The following TTC7B variants were observed in gnomAD, a reference collection of about 807,000 sequenced individuals.
The protein encoded by TTC7B is tetratricopeptide repeat domain 7B.
TTC7B carries 28 observed loss-of-function variants against 106.8 expected under a neutral mutation model. The ratio of observed to expected loss-of-function variants is 0.26; its 90% confidence interval spans 0.19 to 0.36. The LOEUF (loss-of-function observed/expected upper bound fraction) is 0.36, where lower values mean the gene tolerates loss of function less well. TTC7B is among the 10% of genes least tolerant of loss of function. The probability of loss-of-function intolerance (pLI) is 1.00; values close to 1 mark genes in which losing one functional copy is unlikely to be tolerated. For missense variants in TTC7B, 862 were observed against 1,076.4 expected, an observed-to-expected ratio of 0.80 and a Z score of 2.79; for synonymous variants, 405 against 430.6, an observed-to-expected ratio of 0.94 and a Z score of 0.74.
rs1886299126 is a variant in TTC7B, at chr14:90,663,731, G to T, written c.1153-5344C>A. Among the ~76,000 whole-genome samples the T allele has an allele frequency of 6.6e-6, 1 of 152,166 alleles. No individual in the cohort carries two copies. Among genetic ancestry groups the T allele is most frequent in the Non-Finnish European group, 1.5e-5 (1 of 68,042 alleles). On this transcript the variant is annotated intron_variant, in intron 9 of 19. Transcript: ENST00000328459. This position sits in a 1 kb window ranked among gnomAD's most constrained non-coding sequence, Gnocchi z 4.5. ...CCACCTCCCCTAACAAGCCATGAGG[G>T]TGTCCTAAAGAGAGTTAGGAAATCT...
In TTC7B at chr14:90,658,295, G is replaced by A; in HGVS notation, c.1236+9C>T. ...GCATAAAAAACTGCCCATCACAAAAGGGACTCACTTTTCCAGCAGCCATCA... is the reference window on the plus strand; with the variant it reads ...GCATAAAAAACTGCCCATCACAAAAAGGACTCACTTTTCCAGCAGCCATCA... On this transcript the variant is annotated intron_variant, in intron 10 of 19. Transcript: ENST00000328459. 3.7e-6 allele frequency: 6 copies of A among 1,613,320 alleles called. No individual in the cohort carries two copies. Among genetic ancestry groups the A allele is most frequent in the African/African-American group, 1.3e-5 (1 of 75,002 alleles).
At chr14:90,691,637 A>G (rs1887480529) in intron 6 of TTC7B, among the ~76,000 whole-genome samples, 3 of 152,234 alleles carry the variant, frequency 2.0e-5, no homozygotes, top group Admixed American at 2.0e-4. Flanking sequence ...TAAGACCTGG[A>G]TGTTTATGTA....
Position 90,578,551 on chromosome 14 carries a change from C to T in TTC7B, c.2108-243G>A, listed in dbSNP as rs1195667730. ...GCATAGGTCACCACCAGGCAGGGAG[C>T]AGTGAGGCCTGCCTGGTCCCTGCCC... On this transcript the variant is annotated intron_variant, in intron 18 of 19. Transcript: ENST00000328459. This position sits in a 1 kb window ranked among gnomAD's most constrained non-coding sequence, Gnocchi z 4.7. 6.6e-6 allele frequency among the ~76,000 whole-genome samples: 1 copy of T among 152,070 alleles called. No homozygotes were observed. Among genetic ancestry groups the T allele is most frequent in the Non-Finnish European group, 1.5e-5 (1 of 67,988 alleles).
intron 17 of TTC7B, chr14:90,603,350 A>G (rs893327834): frequency 2.4e-6 from 3 of 1,241,112 alleles, no homozygotes; most frequent in African/African-American, 1.6e-5. Flanking sequence ...GAAACAAAAC[A>G]TTTGAAAAAT....
intron 19 of TTC7B, among the ~76,000 whole-genome samples, chr14:90,542,145 T>A (rs1450936064): frequency 6.6e-6 from 1 of 152,196 alleles, no homozygotes; most frequent in Non-Finnish European, 1.5e-5. Context: ...TTCACCATGT[T>A]AGCCAGGATG....
intron 13 of TTC7B, among the ~76,000 whole-genome samples, chr14:90,649,816 T>C (rs1885638342): frequency 1.3e-5 from 2 of 151,980 alleles, no homozygotes; most frequent in South Asian, 4.1e-4. Context: ...CCATCCACAT[T>C]ATGCAATATC....
rs945980742 is a variant in TTC7B, at chr14:90,538,441, G to C, written c.*2927C>G. 1 of 152,498 alleles carries C rather than the reference G, an allele frequency of 6.6e-6. No homozygotes were observed. Among genetic ancestry groups the C allele is most frequent in the Non-Finnish European group, 1.5e-5 (1 of 68,240 alleles). 9.4% of individuals were successfully genotyped at this position (152,498 alleles called of 1,614,324 possible). On this transcript the variant is annotated 3_prime_UTR_variant, in exon 20 of 20. Coordinates refer to ENST00000328459, the MANE Select transcript of TTC7B (RefSeq NM_001010854.2). The stretch of plus-strand genomic sequence containing the variant: ...GAAGGAGAGGCAGCCAGGCACACAG[G>C]GGGCTGGGACACAGAGTCTGGTTCC...
chr14:90,581,826 C>T (rs999157202), intron 18 of TTC7B, among the ~76,000 whole-genome samples: 15 of 152,154 alleles, frequency 9.9e-5, no homozygotes, highest in African/African-American at 2.9e-4. Flanking sequence ...TCTCACTGGT[C>T]GCCAAGCCTG....
intron 17 of TTC7B, among the ~76,000 whole-genome samples, chr14:90,595,976 G>C (rs1218525682): frequency 2.0e-5 from 3 of 152,138 alleles, no homozygotes; most frequent in Non-Finnish European, 4.4e-5. Flanking sequence ...AGAGTTCCAG[G>C]AAGATCTTGT....
intron 19 of TTC7B, among the ~76,000 whole-genome samples, chr14:90,556,218 G>C (rs890979337): frequency 6.6e-5 from 10 of 152,172 alleles, no homozygotes; most frequent in African/African-American, 2.4e-4. Context: ...GAAGCCTTGG[G>C]GTCCCCAGCA....
At chr14:90,770,557 G>A (rs908104490) in intron 3 of TTC7B, among the ~76,000 whole-genome samples, 1 of 151,976 alleles carries the variant, frequency 6.6e-6, no homozygotes, top group Non-Finnish European at 1.5e-5. Context: ...GGAGGCTGAG[G>A]CAGGAGAATC....
At chr14:90,724,283 C>T (rs1205474125) in intron 5 of TTC7B, among the ~76,000 whole-genome samples, 1 of 152,156 alleles carries the variant, frequency 6.6e-6, no homozygotes, top group Non-Finnish European at 1.5e-5. Context: ...CTCCATGAGA[C>T]TCAGTTCTCC....
chr14:90,645,024 A>G (rs1470871863), intron 14 of TTC7B: 3 of 152,246 alleles, frequency 2.0e-5, no homozygotes, highest in Admixed American at 6.5e-5. Context: ...GATTCCATGC[A>G]GGTTTGGCAG....
chr14:90,680,527 C>A lies in TTC7B; in HGVS notation c.959G>T (p.Cys320Phe). 6.2e-7 allele frequency: 1 copy of A among 1,613,230 alleles called. No individual in the cohort carries two copies. The highest frequency in any genetic ancestry group is 8.5e-7 in the Non-Finnish European group (1 of 1,179,580). The stretch of plus-strand genomic sequence containing the variant: ...GGCTTCTTCCGTATTTTCTTGAGGA[C>A]AAAAAATGCTGCAGTTGAAAGAAAA... ...ARVYSGENIF[C>F]PQENTEEALL... Residue 320 changes from cysteine to phenylalanine, a missense_variant, in exon 8 of 20, where the codon TGT (cysteine) becomes TTT (phenylalanine). Cys to Phe is a radical substitution (Grantham distance 205). Coordinates refer to ENST00000328459, the MANE Select transcript of TTC7B (RefSeq NM_001010854.2).
rs117071843 is a variant in TTC7B at position 90,660,666 on chromosome 14, G to A, written c.1153-2279C>T. ...ATTCACGGACAGTGAAGGAAGGAGG[G>A]CAAGGAGCTGCAGTGAAGGTGACAA... On this transcript the variant is annotated intron_variant, in intron 9 of 19. Coordinates refer to ENST00000328459, the MANE Select transcript of TTC7B (RefSeq NM_001010854.2). Among the ~76,000 whole-genome samples the A allele has an allele frequency of 8.3e-3, 1,261 of 152,174 alleles. 10 individuals are homozygous for A. Among genetic ancestry groups the A allele is most frequent in the Middle Eastern group, 0.02 (6 of 294 alleles).
chr14:90,759,241 A>G lies in TTC7B; in HGVS notation c.446-14319T>C, dbSNP rs1409685087. The stretch of plus-strand genomic sequence containing the variant: ...TGCTCCCGCCCCCGAGAGAGTTCTG[A>G]GCTTTCCAAATATGGATGCTTTTTG... On this transcript the variant is annotated intron_variant, in intron 3 of 19. Coordinates refer to ENST00000328459, the MANE Select transcript of TTC7B (RefSeq NM_001010854.2). The surrounding 1 kb of genome is among the most constrained non-coding windows in gnomAD (Gnocchi z 4.1). Among the ~76,000 whole-genome samples, 1 of 152,150 alleles carries G rather than the reference A, an allele frequency of 6.6e-6. No individual in the cohort carries two copies. The highest frequency in any genetic ancestry group is 1.5e-5 in the Non-Finnish European group (1 of 68,020).
chr14:90,784,434 G>T (rs1891316424), intron 2 of TTC7B, among the ~76,000 whole-genome samples: 1 of 152,164 alleles, frequency 6.6e-6, no homozygotes, highest in African/African-American at 2.4e-5. Flanking sequence ...GCGGGTGCCT[G>T]TAGTCCCAGC....
At chr14:90,659,522 T>C (rs577516703) in intron 9 of TTC7B, among the ~76,000 whole-genome samples, 9 of 150,674 alleles carry the variant, frequency 6.0e-5, no homozygotes, top group Middle Eastern at 3.4e-3. Flanking sequence ...GGCCAGACCA[T>C]GGAAAGGGAG....
chr14:90,730,303 G>A, intron 4 of TTC7B, 107 bp from the exon 5 acceptor site: 1 of 1,352,186 alleles, frequency 7.4e-7, no homozygotes, highest in Non-Finnish European at 1.0e-6. Flanking sequence ...AACTTCCTCA[G>A]GCAAATATCA....
Sources: gnomAD v4.1 joint callset for allele counts (sites outside exome capture counted in the v4.1 genomes callset) on GRCh38, gnomAD v4.1.1 for gene constraint, Gnocchi (gnomAD v3.1) non-coding constraint, MANE v1.5 for transcripts, NCBI Gene and HGNC (gene_info 2026-07-23, HGNC 2026-07-21) for gene names.